Variants in MAML3 observed in about 807,000 individuals in gnomAD.
The protein encoded by MAML3 is mastermind-like protein 3.
A neutral mutation model predicts 101.9 loss-of-function variants in MAML3; 27 were observed. The observed-to-expected ratio is 0.27, with a 90% CI of 0.20 to 0.37. The LOEUF (loss-of-function observed/expected upper bound fraction) is 0.37. Ranked by LOEUF, MAML3 falls within the 10% of genes least tolerant of loss-of-function variation. The pLI is 1.00. For missense variants in MAML3, 1,316 were observed against 1,444.9 expected (o/e 0.91, Z 1.45); for synonymous variants, 501 against 555.9 (o/e 0.90, Z 1.39).
chr4:139,950,956 A>G (rs1436628193), intron 1 of MAML3, among the ~76,000 whole-genome samples: 2 of 152,204 alleles, frequency 1.3e-5, no homozygotes, highest in Non-Finnish European at 2.9e-5. Context: ...GATCGTGAAG[A>G]ACAACCTCAT....
intron 1 of MAML3, among the ~76,000 whole-genome samples, chr4:139,906,799 C>G (rs988024894): frequency 6.6e-6 from 1 of 152,088 alleles, no homozygotes; most frequent in African/African-American, 2.4e-5. Flanking sequence ...CTGTAACTAC[C>G]TACTTTTGCA....
At chr4:139,776,049 C>T (rs1730089589) in intron 2 of MAML3, among the ~76,000 whole-genome samples, 1 of 152,168 alleles carries the variant, frequency 6.6e-6, no homozygotes, top group Admixed American at 6.5e-5. Flanking sequence ...AAATATTTCC[C>T]ACCAAATAGC....
chr4:140,110,690 A>G (rs563566689), intron 1 of MAML3, among the ~76,000 whole-genome samples: 1 of 152,370 alleles, frequency 6.6e-6, no homozygotes, highest in South Asian at 2.1e-4. Context: ...ACAAAAAGCA[A>G]AAAATGGACA....
chr4:140,128,384 A>T (rs1363888600), intron 1 of MAML3, among the ~76,000 whole-genome samples: 1 of 152,182 alleles, frequency 6.6e-6, no homozygotes, highest in South Asian at 2.1e-4. Context: ...AGGGCTAAAA[A>T]TCAACTAAGT....
chr4:140,126,382 CA>C (rs1728686545), intron 1 of MAML3, among the ~76,000 whole-genome samples: 1 of 152,106 alleles, frequency 6.6e-6, no homozygotes, highest in African/African-American at 2.4e-5. Context: ...AACCCTCTAA[CA>C]AAAAGCCAGG....
intron 2 of MAML3, among the ~76,000 whole-genome samples, chr4:139,759,679 A>G (rs535754798): frequency 6.6e-6 from 1 of 152,362 alleles, no homozygotes; most frequent in South Asian, 2.1e-4. Context: ...TTTTTCTATA[A>G]GAAGTATGCA....
intron 1 of MAML3, among the ~76,000 whole-genome samples, chr4:139,898,284 A>T (rs1291456364): frequency 6.6e-6 from 1 of 152,246 alleles, no homozygotes. Context: ...GGTTAGTTTA[A>T]AATACTGAAA....
chr4:139,811,391 T>G (rs1730795455), intron 2 of MAML3, among the ~76,000 whole-genome samples: 1 of 152,198 alleles, frequency 6.6e-6, no homozygotes, highest in South Asian at 2.1e-4. Flanking sequence ...TATTAGCTAC[T>G]TAGGCTGCTC....
intron 1 of MAML3, among the ~76,000 whole-genome samples, chr4:140,050,512 G>A (rs1352915702): frequency 2.0e-5 from 3 of 152,026 alleles, no homozygotes; most frequent in East Asian, 3.9e-4. Flanking sequence ...CCTACTGCTC[G>A]GGGTACAGCT....
At chr4:139,937,634 C>T (rs1461790489) in intron 1 of MAML3, among the ~76,000 whole-genome samples, 2 of 152,120 alleles carry the variant, frequency 1.3e-5, no homozygotes, top group African/African-American at 2.4e-5. Flanking sequence ...GTGATCTGCC[C>T]GCCTCAGCCT....
intron 1 of MAML3, among the ~76,000 whole-genome samples, chr4:139,968,322 A>G (rs968565517): frequency 4.0e-5 from 6 of 151,724 alleles, no homozygotes; most frequent in South Asian, 2.1e-4. Context: ...AAAAAAAAAA[A>G]AAAAGAAAAA....
chr4:139,962,017 G>A (rs1435869775), intron 1 of MAML3, among the ~76,000 whole-genome samples: 1 of 152,148 alleles, frequency 6.6e-6, no homozygotes, highest in Admixed American at 6.5e-5. Context: ...TTGAGAGGCT[G>A]GAGGCTCAGG....
intron 1 of MAML3, among the ~76,000 whole-genome samples, chr4:140,055,414 G>A (rs1727335033): frequency 6.6e-6 from 1 of 152,096 alleles, no homozygotes; most frequent in Admixed American, 6.5e-5. Flanking sequence ...AGATCCCTGG[G>A]GATGGTTTGC....
At chr4:140,058,964 C>T (rs192034227) in intron 1 of MAML3, among the ~76,000 whole-genome samples, 19 of 152,172 alleles carry the variant, frequency 1.2e-4, no homozygotes, top group Admixed American at 3.9e-4. Context: ...TATAAAACGC[C>T]GGTAATGGCA....
intron 1 of MAML3, among the ~76,000 whole-genome samples, chr4:140,069,402 G>C (rs1727596162): frequency 9.2e-6 from 1 of 109,120 alleles, no homozygotes; most frequent in African/African-American, 3.7e-5. Context: ...GGAGGAGGAG[G>C]AGGAGGAGGA....
Position 140,010,040 on chromosome 4 carries a change from A to G in MAML3, c.469-119073T>C, listed in dbSNP as rs536427695. Among the ~76,000 whole-genome samples, 22 of 152,364 alleles carry G rather than the reference A, an allele frequency of 1.4e-4. 1 individual carries two copies. Among genetic ancestry groups the G allele is most frequent in the African/African-American group, 5.3e-4 (22 of 41,590 alleles). ...CATTGCTTTTATTGGGTGCTTCCAC[A>G]TCCAAAAAATTTTGTTTTCCATTGC... On this transcript the variant is annotated intron_variant, in intron 1 of 4. Coordinates refer to ENST00000509479, the MANE Select transcript of MAML3 (RefSeq NM_018717.5).
Position 139,818,621 on chromosome 4 carries a change from A to G in MAML3, c.2079+70736T>C, listed in dbSNP as rs565652848. Reference sequence around the variant, plus strand: ...TCAAACACTACAGAATACCAATGAGAGTTGGAGAAAAATTGTCATTGTCAG... The same window carrying G: ...TCAAACACTACAGAATACCAATGAGGGTTGGAGAAAAATTGTCATTGTCAG... On this transcript the variant is annotated intron_variant, in intron 2 of 4. Transcript: ENST00000509479. 3.0e-3 allele frequency among the ~76,000 whole-genome samples: 464 copies of G among 152,316 alleles called. 5 individuals are homozygous for G. The highest frequency in any genetic ancestry group is 5.8e-3 in the Non-Finnish European group (395 of 68,024).
At chr4:139,992,931 C>T (rs552043691) in intron 1 of MAML3, among the ~76,000 whole-genome samples, 67 of 152,242 alleles carry the variant, frequency 4.4e-4, no homozygotes, top group Middle Eastern at 3.4e-3. Context: ...TTCACATTCC[C>T]GTAACTAGTA....
intron 2 of MAML3, among the ~76,000 whole-genome samples, chr4:139,770,273 A>C: frequency 6.6e-6 from 1 of 152,134 alleles, no homozygotes. Context: ...ACATCTTAGA[A>C]ATTTTCATTA....
Sources: allele counts gnomAD v4.1 joint callset (sites outside exome capture counted in the v4.1 genomes callset), GRCh38; gene constraint gnomAD v4.1.1; transcripts MANE v1.5; gene names NCBI Gene and HGNC (gene_info 2026-07-23, HGNC 2026-07-21).